The following XKR9 variants were observed in gnomAD, a reference collection of about 807,000 sequenced individuals.
XKR9 encodes XK related 9.
A neutral mutation model predicts 32.0 loss-of-function variants in XKR9; 32 were observed. The ratio of observed to expected loss-of-function variants is 1.00; its 90% CI spans 0.76 to 1.34. XKR9 has a LOEUF of 1.34. XKR9 is among the 40% of genes most tolerant of loss of function. The probability of loss-of-function intolerance (pLI) is 0.00; values close to 1 mark genes in which losing one functional copy is unlikely to be tolerated. For missense variants in XKR9, 546 were observed against 429.7 expected (o/e 1.27, Z -2.39); for synonymous variants, 168 against 143.4 (o/e 1.17, Z -1.22).
rs188840595 is a variant in XKR9 at position 70,772,739 on chromosome 8, T to G, written n.353-16600T>G. ...AAATGTTAAAAAAAATTAAAAGACCTTTTGAAAAGATGAACAGAAAAATTA... is the reference window on the plus strand; with the variant it reads ...AAATGTTAAAAAAAATTAAAAGACCGTTTGAAAAGATGAACAGAAAAATTA... On this transcript the variant is annotated intron_variant and non_coding_transcript_variant, in intron 2 of 3. Transcript: ENST00000520273. Among the ~76,000 whole-genome samples the G allele has an allele frequency of 6.6e-3, 1,003 of 152,302 alleles. 6 individuals are homozygous for G. The highest frequency in any genetic ancestry group is 0.01 in the Non-Finnish European group (703 of 68,018).
At chr8:70,805,336 C>A in the XKR9 span, among the ~76,000 whole-genome samples, 1 of 152,248 alleles carries the variant, frequency 6.6e-6, no homozygotes, top group South Asian at 2.1e-4. Flanking sequence ...CACCCCAGAG[C>A]TGCGCATATT....
At chr8:70,741,294 GCA>G (rs1238363923) in intron 2 of XKR9, among the ~76,000 whole-genome samples, 2 of 152,226 alleles carry the variant, frequency 1.3e-5, no homozygotes, top group Non-Finnish European at 2.9e-5. Context: ...ACCTGAGCTA[GCA>G]CACTCTTGCT....
At chr8:70,900,101 TA>T in the XKR9 span, among the ~76,000 whole-genome samples, 43 of 147,230 alleles carry the variant, frequency 2.9e-4, no homozygotes, top group African/African-American at 5.0e-4. Flanking sequence ...AAACTCTGTG[TA>T]AAAAAAAAAA....
the XKR9 span, among the ~76,000 whole-genome samples, chr8:71,008,199 C>T: frequency 1.3e-5 from 2 of 152,156 alleles, no homozygotes; most frequent in African/African-American, 4.8e-5. Context: ...AGCTGGAGGT[C>T]ACCAAACATG....
the XKR9 span, among the ~76,000 whole-genome samples, chr8:71,049,897 T>C: frequency 6.6e-6 from 1 of 152,182 alleles, no homozygotes; most frequent in Non-Finnish European, 1.5e-5. Flanking sequence ...ATGAGTCCTT[T>C]TATTAAAATG....
At chr8:70,828,270 A>G in the XKR9 span, among the ~76,000 whole-genome samples, 2 of 152,242 alleles carry the variant, frequency 1.3e-5, no homozygotes, top group African/African-American at 2.4e-5. Context: ...ATGAAGGTTA[A>G]TGAAAGTCTT....
the XKR9 span, among the ~76,000 whole-genome samples, chr8:71,065,749 G>C: frequency 3.9e-5 from 6 of 152,162 alleles, no homozygotes; most frequent in Admixed American, 3.3e-4. Context: ...GTAAAAGATG[G>C]AAGCCTGTGG....
the XKR9 span, among the ~76,000 whole-genome samples, chr8:70,889,586 G>T: frequency 0.54 from 81,471 of 151,344 alleles, 22,857 homozygotes; most frequent in Middle Eastern, 0.62. Context: ...CAGTGTCTAT[G>T]GTTGCCATCT....
intron 2 of XKR9, among the ~76,000 whole-genome samples, chr8:70,783,459 C>CTCG (rs1807643689): frequency 1.3e-5 from 2 of 152,106 alleles, no homozygotes; most frequent in African/African-American, 4.8e-5. Context: ...ATCTCCTGAC[C>CTCG]TCGTGATCTG....
chr8:70,795,796 C>G, the XKR9 span, among the ~76,000 whole-genome samples: 8 of 151,922 alleles, frequency 5.3e-5, no homozygotes, highest in East Asian at 1.5e-3. Context: ...TGAAAACTGT[C>G]TGTTCATGCC....
chr8:70,944,168 T>C, the XKR9 span, among the ~76,000 whole-genome samples: 1 of 152,138 alleles, frequency 6.6e-6, no homozygotes, highest in Non-Finnish European at 1.5e-5. Context: ...GTTTTTGCTC[T>C]TAGAGAGCTG....
At chr8:70,920,404 CTATTT>C in the XKR9 span, among the ~76,000 whole-genome samples, 1 of 151,968 alleles carries the variant, frequency 6.6e-6, no homozygotes, top group African/African-American at 2.4e-5. Context: ...AAATATGTTC[CTATTT>C]TAACTTTCAT....
chr8:70,711,881 T>G (rs1296596936), intron 4 of XKR9, among the ~76,000 whole-genome samples: 2 of 117,318 alleles, frequency 1.7e-5, no homozygotes, highest in African/African-American at 6.0e-5. Flanking sequence ...TATTGGGTAC[T>G]AGGCTCACTA....
At chr8:70,677,973 A>G (rs952952103) in intron 2 of XKR9, 5 of 152,354 alleles carry the variant, frequency 3.3e-5, no homozygotes, top group African/African-American at 1.2e-4. Flanking sequence ...AAACATATCC[A>G]GTAGAACCAT....
intron 3 of XKR9, among the ~76,000 whole-genome samples, chr8:70,701,425 C>T (rs909311592): frequency 6.6e-6 from 1 of 152,092 alleles, no homozygotes; most frequent in African/African-American, 2.4e-5. Context: ...ATGTTTCATT[C>T]GAAGATGTTG....
intron 3 of XKR9, among the ~76,000 whole-genome samples, chr8:70,689,042 A>G (rs993628757): frequency 6.6e-6 from 1 of 152,178 alleles, no homozygotes; most frequent in African/African-American, 2.4e-5. Flanking sequence ...AAAAATCCCA[A>G]CACACAGAAC....
the XKR9 span, among the ~76,000 whole-genome samples, chr8:70,846,454 C>T: frequency 6.6e-6 from 1 of 151,756 alleles, no homozygotes. Flanking sequence ...TGGTAAACAA[C>T]AAGAGAAAGA....
At chr8:70,881,840 C>A in the XKR9 span, among the ~76,000 whole-genome samples, 1 of 152,172 alleles carries the variant, frequency 6.6e-6, no homozygotes, top group Non-Finnish European at 1.5e-5. Context: ...GCACTATTCA[C>A]AATAGCAAAG....
the XKR9 span, among the ~76,000 whole-genome samples, chr8:70,822,691 G>A: frequency 1.3e-5 from 2 of 151,754 alleles, no homozygotes; most frequent in Non-Finnish European, 2.9e-5. Flanking sequence ...TGTGTGACAA[G>A]TTTAGCTTTA....
Sources: gnomAD v4.1 joint callset for allele counts (sites outside exome capture counted in the v4.1 genomes callset) on GRCh38, gnomAD v4.1.1 for gene constraint, MANE v1.5 for transcripts, NCBI Gene and HGNC (gene_info 2026-07-23, HGNC 2026-07-21) for gene names.